The following PTPRD variants were observed in gnomAD, a reference collection of about 807,000 sequenced individuals.
PTPRD encodes receptor-type tyrosine-protein phosphatase delta.
PTPRD carries 34 observed loss-of-function variants against 214.5 expected under a neutral mutation model. The observed-to-expected ratio is 0.16, with a 90% confidence interval of 0.12 to 0.21. PTPRD has a LOEUF of 0.21. Among genes scored for constraint, PTPRD ranks in the 10% least tolerant of loss-of-function variants. PTPRD has a pLI of 1.00. For synonymous variants in PTPRD, 1,128 were observed against 845.7 expected, an observed-to-expected ratio of 1.33 and a Z score of -5.79; for missense variants, 2,545 against 2,398.7, an observed-to-expected ratio of 1.06 and a Z score of -1.27.
chr9:9,158,775 A>G (rs935289823), intron 10 of PTPRD, among the ~76,000 whole-genome samples: 1 of 152,178 alleles, frequency 6.6e-6, no homozygotes, highest in Non-Finnish European at 1.5e-5. Context: ...TTACAGGCTA[A>G]TATTGCAGAT....
rs151051196 is a variant in PTPRD, at chr9:9,422,878, T to C, written c.-236-25396A>G. On this transcript the variant is annotated intron_variant, in intron 8 of 45. Transcript: ENST00000381196. ...CTAAACAAACAAGGAGCTGAAAAGC[T>C]GACTGGAGCTGCTGGCACCTTTAAG... Among the ~76,000 whole-genome samples the C allele has an allele frequency of 1.9e-3, 283 of 152,242 alleles. 4 individuals carry two copies. Among genetic ancestry groups the C allele is most frequent in the African/African-American group, 6.4e-3 (264 of 41,550 alleles).
At chr9:10,055,348 A>C (rs1025014451) in intron 3 of PTPRD, among the ~76,000 whole-genome samples, 11 of 152,124 alleles carry the variant, frequency 7.2e-5, no homozygotes, top group African/African-American at 2.7e-4. Flanking sequence ...AAATATAGTT[A>C]CTATCCATTG....
At chr9:8,807,525 T>A (rs561835257) in intron 11 of PTPRD, among the ~76,000 whole-genome samples, 125 of 151,990 alleles carry the variant, frequency 8.2e-4, no homozygotes, top group African/African-American at 2.9e-3. Flanking sequence ...AGAATTAAAC[T>A]ATTATTTAGA....
At chr9:10,347,751 G>C (rs111251929) in intron 2 of PTPRD, among the ~76,000 whole-genome samples, 1 of 151,626 alleles carries the variant, frequency 6.6e-6, no homozygotes, top group Non-Finnish European at 1.5e-5. Context: ...ATTATTATTT[G>C]CTAGCTATTT....
At chr9:8,318,085 G>A in intron 45 of PTPRD, 143 bp from the exon 46 acceptor site, 1 of 680,856 alleles carries the variant, frequency 1.5e-6, no homozygotes, top group Non-Finnish European at 2.5e-6. Flanking sequence ...CTAATCCAAT[G>A]ACCAATTGTT....
intron 12 of PTPRD, among the ~76,000 whole-genome samples, chr9:8,701,899 T>C (rs1448328909): frequency 6.6e-6 from 1 of 152,208 alleles, no homozygotes; most frequent in Non-Finnish European, 1.5e-5. Context: ...CTTTATTCTT[T>C]TCTCAATGTA....
At chr9:10,153,708 A>T (rs2099076270) in intron 3 of PTPRD, among the ~76,000 whole-genome samples, 1 of 152,038 alleles carries the variant, frequency 6.6e-6, no homozygotes, top group Non-Finnish European at 1.5e-5. Context: ...ACCCTCTGGG[A>T]GGTAACAGTG....
chr9:9,144,869 T>C (rs1366334811), intron 10 of PTPRD, among the ~76,000 whole-genome samples: 1 of 152,206 alleles, frequency 6.6e-6, no homozygotes, highest in African/African-American at 2.4e-5. Context: ...TTATTAAAAT[T>C]AGGAGAAAAT....
intron 12 of PTPRD, among the ~76,000 whole-genome samples, chr9:8,717,554 C>T (rs2098450277): frequency 6.6e-6 from 1 of 152,222 alleles, no homozygotes; most frequent in Non-Finnish European, 1.5e-5. Context: ...ATTGAAAATT[C>T]AAGTCAGGCC....
chr9:10,277,685 C>T (rs958584601), intron 3 of PTPRD, among the ~76,000 whole-genome samples: 2 of 152,202 alleles, frequency 1.3e-5, no homozygotes, highest in Non-Finnish European at 2.9e-5. Context: ...AAGAAATCCT[C>T]ATGATTCAAT....
intron 14 of PTPRD, among the ~76,000 whole-genome samples, chr9:8,611,587 C>G (rs1313299894): frequency 6.6e-6 from 1 of 151,942 alleles, no homozygotes; most frequent in African/African-American, 2.4e-5. Flanking sequence ...CACCTGTATT[C>G]CCAGCTACTG....
intron 39 of PTPRD, among the ~76,000 whole-genome samples, chr9:8,374,479 A>T (rs1429959497): frequency 6.6e-6 from 1 of 152,058 alleles, no homozygotes; most frequent in Non-Finnish European, 1.5e-5. Context: ...TTTTACAATC[A>T]TGCAGAAAAC....
At chr9:10,310,514 AT>A (rs752257502) in intron 3 of PTPRD, among the ~76,000 whole-genome samples, 4 of 152,062 alleles carry the variant, frequency 2.6e-5, no homozygotes, top group Non-Finnish European at 5.9e-5. Flanking sequence ...AAAGAGGTTG[AT>A]GAGGAATGTA....
intron 11 of PTPRD, among the ~76,000 whole-genome samples, chr9:8,956,611 A>C (rs1326724988): frequency 6.6e-6 from 1 of 151,828 alleles, no homozygotes; most frequent in African/African-American, 2.4e-5. Flanking sequence ...GTATTTTTAA[A>C]AGTCAGGATC....
At chr9:9,886,525 G>C (rs951732031) in intron 5 of PTPRD, among the ~76,000 whole-genome samples, 1 of 152,028 alleles carries the variant, frequency 6.6e-6, no homozygotes, top group Non-Finnish European at 1.5e-5. Flanking sequence ...AGGTCAGACC[G>C]TTCCACAGTG....
intron 8 of PTPRD, among the ~76,000 whole-genome samples, chr9:9,556,115 A>G (rs2081449205): frequency 6.6e-6 from 1 of 152,172 alleles, no homozygotes; most frequent in African/African-American, 2.4e-5. Context: ...CTGATAACAT[A>G]GTCAATTAAT....
At position 10,231,991 on chromosome 9, in the gene PTPRD, T is replaced by A. The variant is rs368037963; in HGVS notation, c.-545+108972A>T. 4.9e-3 allele frequency among the ~76,000 whole-genome samples: 483 copies of A among 97,888 alleles called. 1 individual carries two copies. The highest frequency in any genetic ancestry group is 0.014 in the African/African-American group (269 of 19,212). The allele number at this position is 97,888 out of a possible 152,430, so 64.2% of individuals were successfully genotyped here. A position where few individuals can be genotyped will look rare whatever the true frequency, so the allele number is the denominator to read the frequency against. ...GAGAGAGAGAGAGAGAGAGAGAGAG[T>A]GTGTGTGTGTGTGTGTGTGTGTGTG... is the stretch of plus-strand genomic sequence containing the variant. On this transcript the variant is annotated intron_variant, in intron 3 of 45. Transcript: ENST00000381196.
chr9:8,371,627 G>T (rs549045763), intron 39 of PTPRD, among the ~76,000 whole-genome samples: 1 of 152,198 alleles, frequency 6.6e-6, no homozygotes, highest in Admixed American at 6.5e-5. Flanking sequence ...AGTGGGAAGG[G>T]TTTGCAAAAC....
intron 2 of PTPRD, among the ~76,000 whole-genome samples, chr9:10,447,120 C>A (rs1025634949): frequency 6.6e-6 from 1 of 152,086 alleles, no homozygotes; most frequent in African/African-American, 2.4e-5. Flanking sequence ...AGGGCGATTC[C>A]TGTAGTGGAA....
Sources: allele counts gnomAD v4.1 joint callset (sites outside exome capture counted in the v4.1 genomes callset), GRCh38; gene constraint gnomAD v4.1.1; transcripts MANE v1.5; gene names NCBI Gene and HGNC (gene_info 2026-07-23, HGNC 2026-07-21).